EYA4: variants seen among roughly 807,000 people sequenced by gnomAD.
The protein encoded by EYA4 is protein phosphatase EYA4.
A neutral mutation model predicts 87.9 loss-of-function variants in EYA4; 31 were observed. The ratio of observed to expected loss-of-function variants is 0.35; its 90% CI spans 0.27 to 0.48. EYA4 has a LOEUF of 0.48. Ranked by LOEUF, EYA4 falls within the 20% of genes least tolerant of loss-of-function variation. EYA4 has a pLI of 0.99. For synonymous variants in EYA4, 263 were observed against 270.6 expected, an observed-to-expected ratio of 0.97 and a Z score of 0.28; for missense variants, 678 against 761.4, an observed-to-expected ratio of 0.89 and a Z score of 1.29.
intron 2 of EYA4, among the ~76,000 whole-genome samples, chr6:133,349,884 C>T (rs890235972): frequency 4.6e-5 from 7 of 152,104 alleles, no homozygotes; most frequent in African/African-American, 1.7e-4. Context: ...CAAGATTCAA[C>T]TTGTGGACTG....
Position 133,528,961 on chromosome 6 carries a change from A to G in EYA4, c.*156A>G, listed in dbSNP as rs902814899. 6.7e-7 allele frequency: 1 copy of G among 1,501,728 alleles called. No homozygotes were observed. The highest frequency in any genetic ancestry group is 2.0e-5 in the Admixed American group (1 of 48,860). The allele number at this position is 1,501,728 out of a possible 1,614,324, so 93.0% of individuals were successfully genotyped here. A position where few individuals can be genotyped will look rare whatever the true frequency, so the allele number is the denominator to read the frequency against. On this transcript the variant is annotated 3_prime_UTR_variant, in exon 20 of 20. Coordinates refer to ENST00000355286, the MANE Select transcript of EYA4 (RefSeq NM_004100.5). ...CAGAATGAAGAATTCAGATTGCTGA[A>G]TGGAGTTAAACTTTAGTGCTACAGA...
intron 2 of EYA4, among the ~76,000 whole-genome samples, chr6:133,296,973 A>G (rs1778992205): frequency 6.6e-6 from 1 of 152,084 alleles, no homozygotes; most frequent in South Asian, 2.1e-4. Context: ...TTATCTTACA[A>G]TTCTATTGTT....
intron 2 of EYA4, among the ~76,000 whole-genome samples, 168 bp downstream of exon 2, chr6:133,274,981 G>A (rs539142460): frequency 7.2e-5 from 11 of 152,210 alleles, no homozygotes; most frequent in South Asian, 6.2e-4. Context: ...GATTTATGCC[G>A]TTTCTGCTTA....
intron 3 of EYA4, among the ~76,000 whole-genome samples, chr6:133,415,585 T>C (rs1219521587): frequency 5.3e-5 from 8 of 152,130 alleles, no homozygotes; most frequent in Non-Finnish European, 1.2e-4. Flanking sequence ...ATTTAAATTG[T>C]ACCCTGCCTC....
At position 133,277,559 on chromosome 6, in the gene EYA4, T is replaced by C. The variant is rs117265412; in HGVS notation, c.33+2746T>C. On this transcript the variant is annotated intron_variant, in intron 2 of 19. Coordinates refer to ENST00000355286, the MANE Select transcript of EYA4 (RefSeq NM_004100.5). ...TCACTTAGAGTAAATATTCAATAAA[T>C]GTTAGCTGCTATCACAAATACCTGA... is the stretch of plus-strand genomic sequence containing the variant. 2.0e-3 allele frequency among the ~76,000 whole-genome samples: 308 copies of C among 152,332 alleles called. 1 individual carries two copies. The highest frequency in any genetic ancestry group is 3.7e-3 in the Non-Finnish European group (249 of 68,030).
chr6:133,510,895 G>A (rs1027021400), intron 14 of EYA4, among the ~76,000 whole-genome samples: 1 of 152,204 alleles, frequency 6.6e-6, no homozygotes, highest in African/African-American at 2.4e-5. Flanking sequence ...AGAAAGAATT[G>A]TGGAGTGATT....
chr6:133,310,720 G>A (rs1292746073), intron 2 of EYA4, among the ~76,000 whole-genome samples: 1 of 152,276 alleles, frequency 6.6e-6, no homozygotes, highest in African/African-American at 2.4e-5. Context: ...AAAGAAATTT[G>A]TAGCATTGCA....
chr6:133,242,965 A>C (rs1199861665), intron 1 of EYA4, among the ~76,000 whole-genome samples: 1 of 152,134 alleles, frequency 6.6e-6, no homozygotes, highest in Non-Finnish European at 1.5e-5. Context: ...CTAGAGAGTC[A>C]TTCATGAATC....
At chr6:133,430,955 G>A (rs1791126863) in intron 3 of EYA4, among the ~76,000 whole-genome samples, 1 of 152,194 alleles carries the variant, frequency 6.6e-6, no homozygotes, top group African/African-American at 2.4e-5. Context: ...TATGAGGAGA[G>A]CAGGAAGGGA....
At chr6:133,300,660 G>A (rs1298232336) in intron 2 of EYA4, among the ~76,000 whole-genome samples, 1 of 152,164 alleles carries the variant, frequency 6.6e-6, no homozygotes, top group East Asian at 1.9e-4. Flanking sequence ...GACTACAGGC[G>A]TGTGCTACCA....
In EYA4 at chr6:133,517,848, A is replaced by G. The variant is rs113727731; in HGVS notation, c.1616+2413A>G. ...AGGAGGAGCCAGAGAGCTTAGTCAG[A>G]AGAGTCATGTGCAGAACCAAGATTA... On this transcript the variant is annotated intron_variant, in intron 17 of 19. Transcript: ENST00000355286. Among the ~76,000 whole-genome samples the G allele has an allele frequency of 4.4e-3, 676 of 152,340 alleles. 3 individuals carry two copies. Among genetic ancestry groups the G allele is most frequent in the Non-Finnish European group, 5.6e-3 (380 of 68,036 alleles).
chr6:133,507,992 A>G (rs553207048), intron 14 of EYA4, among the ~76,000 whole-genome samples: 74 of 151,924 alleles, frequency 4.9e-4, no homozygotes, highest in African/African-American at 1.7e-3. Context: ...TCCCACCAAC[A>G]CGCCAGTTAG....
chr6:133,364,027 A>T, intron 2 of EYA4, among the ~76,000 whole-genome samples: 1 of 152,202 alleles, frequency 6.6e-6, no homozygotes, highest in East Asian at 1.9e-4. Flanking sequence ...AGCTAACCTG[A>T]AACCTAATGG....
chr6:133,496,999 T>G (rs1883388), intron 13 of EYA4, among the ~76,000 whole-genome samples: 20,358 of 152,042 alleles, frequency 0.13, 3,016 homozygotes, highest in African/African-American at 0.35. Flanking sequence ...TACCTGTCTT[T>G]CTTCCTCTCC....
rs115139101 is a variant in EYA4 at position 133,447,390 on chromosome 6, G to A, written c.208+636G>A. Among the ~76,000 whole-genome samples the A allele has an allele frequency of 8.1e-3, 1,237 of 152,182 alleles. 27 individuals are homozygous for A. Among genetic ancestry groups the A allele is most frequent in the African/African-American group, 0.028 (1,176 of 41,548 alleles). On this transcript the variant is annotated intron_variant, in intron 4 of 19. Coordinates refer to ENST00000355286, the MANE Select transcript of EYA4 (RefSeq NM_004100.5). ...TTCTGCTTTATTATTTTTATAAAAT[G>A]TATTCAACTTGTCAGAAAATATGGT...
At chr6:133,505,136 A>C (rs1273609769) in intron 13 of EYA4, among the ~76,000 whole-genome samples, 1 of 152,138 alleles carries the variant, frequency 6.6e-6, no homozygotes, top group African/African-American at 2.4e-5. Flanking sequence ...TCGGAGTTGC[A>C]CCTATGAGCA....
intron 3 of EYA4, among the ~76,000 whole-genome samples, chr6:133,415,440 G>C (rs1320984761): frequency 6.6e-6 from 1 of 152,070 alleles, no homozygotes; most frequent in African/African-American, 2.4e-5. Flanking sequence ...TCTTTTCTGG[G>C]CTGCTGGCCT....
At chr6:133,442,212 ATATT>A (rs1792373742) in intron 3 of EYA4, among the ~76,000 whole-genome samples, 1 of 152,158 alleles carries the variant, frequency 6.6e-6, no homozygotes, top group Non-Finnish European at 1.5e-5. Flanking sequence ...AGGTCACAAA[ATATT>A]TATAATGTTC....
chr6:133,385,230 C>T (rs1362056871), intron 3 of EYA4, among the ~76,000 whole-genome samples: 1 of 145,842 alleles, frequency 6.9e-6, no homozygotes, highest in East Asian at 2.0e-4. Flanking sequence ...ACCTGGAAGG[C>T]GGAGCTTGCA....
Sources: allele counts gnomAD v4.1 joint callset (sites outside exome capture counted in the v4.1 genomes callset), GRCh38; gene constraint gnomAD v4.1.1; transcripts MANE v1.5; gene names NCBI Gene and HGNC (gene_info 2026-07-23, HGNC 2026-07-21).